The following C1orf87 variants were observed in gnomAD, a reference collection of about 807,000 sequenced individuals.
C1orf87 encodes chromosome 1 open reading frame 87, also known as uncharacterized protein C1orf87.
In C1orf87, 58 loss-of-function variants were observed where a neutral mutation model predicts 60.5. That is an observed-to-expected ratio of 0.96 (90% CI 0.78 to 1.19). The LOEUF is 1.19. Among genes scored for constraint, C1orf87 ranks in the 50% most tolerant of loss-of-function variants. The pLI is 0.00. For synonymous variants in C1orf87, 236 were observed against 227.4 expected (o/e 1.04, Z -0.34); for missense variants, 673 against 638.6 (o/e 1.05, Z -0.58).
chr1:60,020,807 T>C (rs1645157996), intron 8 of C1orf87, among the ~76,000 whole-genome samples: 1 of 152,192 alleles, frequency 6.6e-6, no homozygotes, highest in Admixed American at 6.5e-5. Flanking sequence ...GAAGGCATGA[T>C]TGGTTTAGAA....
In C1orf87 at chr1:59,990,581, C is replaced by G; in HGVS notation, c.*92G>C. 6.8e-7 allele frequency: 1 copy of G among 1,462,036 alleles called. No individual in the cohort carries two copies. The highest frequency in any genetic ancestry group is 1.3e-5 in the South Asian group (1 of 78,178). The allele number at this position is 1,462,036 out of a possible 1,614,324, so 90.6% of individuals were successfully genotyped here. On this transcript the variant is annotated 3_prime_UTR_variant, in exon 12 of 12. Transcript: ENST00000371201. ...TGCATCGGCCTCCACTCTGACAATG[C>G]CTCCGCCACTACACTTAGGCTGGGG...
At chr1:60,072,697 C>G in intron 1 of C1orf87, 27 bp from the exon 2 acceptor site, 1 of 1,280,044 alleles carries the variant, frequency 7.8e-7, no homozygotes, top group Non-Finnish European at 1.1e-6. Flanking sequence ...GTAAATTGTT[C>G]CTCTTGATTT....
chr1:60,052,887 C>T (rs1156962989), intron 3 of C1orf87, among the ~76,000 whole-genome samples: 3 of 152,228 alleles, frequency 2.0e-5, no homozygotes, highest in Non-Finnish European at 2.9e-5. Context: ...CAGCACCACA[C>T]GCCCGCCCGG....
At chr1:60,026,810 G>C (rs938925735) in intron 7 of C1orf87, among the ~76,000 whole-genome samples, 1 of 152,058 alleles carries the variant, frequency 6.6e-6, no homozygotes, top group African/African-American at 2.4e-5. Context: ...GTGCTGACAG[G>C]TCACCACAAG....
At chr1:60,044,111 G>C (rs1264537637) in intron 3 of C1orf87, among the ~76,000 whole-genome samples, 4 of 152,156 alleles carry the variant, frequency 2.6e-5, no homozygotes, top group African/African-American at 9.7e-5. Context: ...CTCACTGCAA[G>C]CTCTGCCTCC....
intron 7 of C1orf87, among the ~76,000 whole-genome samples, chr1:60,030,555 T>G (rs1378249609): frequency 6.6e-6 from 1 of 152,220 alleles, no homozygotes; most frequent in Non-Finnish European, 1.5e-5. Context: ...TCTAGCTAGC[T>G]CTTCCTGGGA....
chr1:60,041,058 A>G lies in C1orf87; in HGVS notation c.416T>C (p.Ile139Thr). ...CCAGTCTCTAAGCTTTCTCCTGGGA[A>G]TGCCATGCACATAGGATAAGGACTG... The part of the protein sequence containing the change: ...GDQSLSYVHG[I>T]PRRKLRDWSL... The change falls in exon 4 of 12, where the codon ATT becomes ACT. Residue 139 changes from isoleucine (I) to threonine (T), a missense_variant. Transcript: ENST00000371201. The G allele has an allele frequency of 3.7e-6, 6 of 1,613,556 alleles. No individual in the cohort carries two copies. Among genetic ancestry groups the G allele is most frequent in the Non-Finnish European group, 5.1e-6 (6 of 1,179,578 alleles).
At chr1:60,008,068 G>C (rs1645058503) in intron 9 of C1orf87, among the ~76,000 whole-genome samples, 1 of 151,998 alleles carries the variant, frequency 6.6e-6, no homozygotes, top group African/African-American at 2.4e-5. Context: ...AGATCCAGCA[G>C]TACAGAAACA....
At chr1:60,021,311 C>T (rs114613094) in intron 8 of C1orf87, among the ~76,000 whole-genome samples, 4,748 of 152,288 alleles carry the variant, frequency 0.031, 249 homozygotes, top group African/African-American at 0.11. Context: ...AGTCATGCCC[C>T]TTGCTAGCAT....
In C1orf87 at chr1:60,007,789, C is replaced by T. The variant is rs181022482; in HGVS notation, c.1192+2603G>A. Among the ~76,000 whole-genome samples, 3 of 151,900 alleles carry T rather than the reference C, an allele frequency of 2.0e-5. No homozygotes were observed. The East Asian group carries it at 5.8e-4, about 29-fold the overall frequency. On this transcript the variant is annotated intron_variant, in intron 9 of 11. Transcript: ENST00000371201. ...TATATGTACATTGAAAAACAAGTTCCCAGGATTTTTATGATTCTTAATGAT... is the reference window on the plus strand; with the variant it reads ...TATATGTACATTGAAAAACAAGTTCTCAGGATTTTTATGATTCTTAATGAT...
At chr1:60,000,594 G>T (rs554255867) in intron 10 of C1orf87, among the ~76,000 whole-genome samples, 1 of 152,096 alleles carries the variant, frequency 6.6e-6, no homozygotes, top group East Asian at 1.9e-4. Flanking sequence ...TATTAAAATG[G>T]GTTTTAACTG....
chr1:60,012,876 A>T (rs1645098249), intron 8 of C1orf87, among the ~76,000 whole-genome samples: 1 of 152,160 alleles, frequency 6.6e-6, no homozygotes, highest in Non-Finnish European at 1.5e-5. Context: ...AATCTATTCG[A>T]ACGTAATGTA....
In C1orf87 at chr1:59,990,715, AT is replaced by A; in HGVS notation, c.1598del (p.Asn533IlefsTer11). On this transcript the variant is annotated frameshift_variant, in exon 12 of 12. Coordinates refer to ENST00000371201, the MANE Select transcript of C1orf87 (RefSeq NM_152377.3). LOFTEE classifies it high-confidence loss of function. Reference sequence around the variant, plus strand: ...ACCGCAGTGCTGGCTCCAAGAGCATATTTTCTCCCGAACGGAATCTGCGCAA... The same window carrying A: ...ACCGCAGTGCTGGCTCCAAGAGCATATTTCTCCCGAACGGAATCTGCGCAA... Reference protein sequence around the residue: ...QALRRFRSGENMLLEPALRYL... With the variant: ...QALRRFRSGEXMLLEPALRYL... The A allele has an allele frequency of 6.2e-7, 1 of 1,614,000 alleles. No homozygotes were observed. The highest frequency in any genetic ancestry group is 8.5e-7 in the Non-Finnish European group (1 of 1,179,960).
At chr1:60,047,518 G>A (rs1214191971) in intron 3 of C1orf87, among the ~76,000 whole-genome samples, 1 of 152,094 alleles carries the variant, frequency 6.6e-6, no homozygotes, top group African/African-American at 2.4e-5. Flanking sequence ...TCAGCTCTTG[G>A]AATTTTCCTG....
chr1:60,043,173 G>C (rs914671447), intron 3 of C1orf87, among the ~76,000 whole-genome samples: 2 of 152,160 alleles, frequency 1.3e-5, no homozygotes, highest in Admixed American at 1.3e-4. Flanking sequence ...GAGAGAGAGA[G>C]GCAGGAGAAA....
intron 5 of C1orf87, 80 bp from the exon 6 acceptor site, chr1:60,038,187 G>A: frequency 1.3e-6 from 1 of 791,848 alleles, no homozygotes; most frequent in Admixed American, 2.9e-5. Context: ...AAATGTATTT[G>A]GCAAATTTTT....
intron 8 of C1orf87, among the ~76,000 whole-genome samples, chr1:60,017,331 T>C (rs868309547): frequency 1.1e-4 from 17 of 152,170 alleles, no homozygotes; most frequent in Admixed American, 3.9e-4. Context: ...CACCTCAGGT[T>C]TCCTTCATCT....
intron 7 of C1orf87, among the ~76,000 whole-genome samples, chr1:60,030,646 T>G (rs985719732): frequency 1.3e-5 from 2 of 152,222 alleles, no homozygotes; most frequent in Non-Finnish European, 2.9e-5. Flanking sequence ...GAATATGGAT[T>G]GTGTAAAAGG....
At chr1:60,040,493 C>T (rs1215938265) in intron 4 of C1orf87, among the ~76,000 whole-genome samples, 1 of 152,154 alleles carries the variant, frequency 6.6e-6, no homozygotes, top group Non-Finnish European at 1.5e-5. Flanking sequence ...TAGAATAACA[C>T]ATTTTGGAGA....
Sources: gnomAD v4.1 joint callset for allele counts (sites outside exome capture counted in the v4.1 genomes callset) on GRCh38, gnomAD v4.1.1 for gene constraint, MANE v1.5 for transcripts, NCBI Gene and HGNC (gene_info 2026-07-23, HGNC 2026-07-21) for gene names.